Variants in ADGRB3 observed in about 807,000 individuals in gnomAD.
ADGRB3 encodes adhesion G protein-coupled receptor B3, also known as brain-specific angiogenesis inhibitor 3.
In ADGRB3, 37 loss-of-function variants were observed where a neutral mutation model predicts 193.4. The observed-to-expected ratio is 0.19, with a 90% CI of 0.15 to 0.25. The LOEUF is 0.25. Ranked by LOEUF, ADGRB3 falls within the 10% of genes least tolerant of loss-of-function variation. The pLI is 1.00. For missense variants in ADGRB3, 1,637 were observed against 1,852.9 expected (o/e 0.88, Z 2.14); for synonymous variants, 690 against 644.2 (o/e 1.07, Z -1.08).
At chr6:69,057,800 T>C (rs1009653061) in intron 15 of ADGRB3, among the ~76,000 whole-genome samples, 2 of 152,080 alleles carry the variant, frequency 1.3e-5, no homozygotes, top group African/African-American at 2.4e-5. Context: ...TCATGATATA[T>C]AAACTTTTTA....
intron 20 of ADGRB3, among the ~76,000 whole-genome samples, chr6:69,260,134 G>A (rs12209758): frequency 2.6e-5 from 4 of 152,212 alleles, no homozygotes; most frequent in East Asian, 1.9e-4. Context: ...TGATGGAATC[G>A]AAGATTTGAA....
At chr6:69,237,991 C>CAA (rs1370046361) in intron 19 of ADGRB3, among the ~76,000 whole-genome samples, 1 of 152,034 alleles carries the variant, frequency 6.6e-6, no homozygotes, top group Non-Finnish European at 1.5e-5. Flanking sequence ...TTTTATATTA[C>CAA]AAAAACTCCT....
At chr6:69,195,522 CAAA>C (rs542731165) in intron 17 of ADGRB3, among the ~76,000 whole-genome samples, 1 of 65,122 alleles carries the variant, frequency 1.5e-5, no homozygotes. Context: ...TATCCTGTCT[CAAA>C]AAAAAAAAAA....
At chr6:69,191,240 A>G (rs950670313) in intron 17 of ADGRB3, among the ~76,000 whole-genome samples, 1 of 152,028 alleles carries the variant, frequency 6.6e-6, no homozygotes, top group African/African-American at 2.4e-5. Context: ...TTTTTTTTCC[A>G]TAACAGCTTG....
At chr6:68,850,543 C>T (rs1768376503) in intron 3 of ADGRB3, among the ~76,000 whole-genome samples, 1 of 150,470 alleles carries the variant, frequency 6.6e-6, no homozygotes, top group South Asian at 2.1e-4. Context: ...TAGGCCATGT[C>T]TTATTGTTGA....
intron 13 of ADGRB3, among the ~76,000 whole-genome samples, chr6:69,024,456 C>T (rs1770366927): frequency 6.6e-6 from 1 of 152,134 alleles, no homozygotes; most frequent in Non-Finnish European, 1.5e-5. Flanking sequence ...AATTTTGATA[C>T]AGTAATCTTT....
chr6:68,895,530 G>C (rs1766195684), intron 3 of ADGRB3, among the ~76,000 whole-genome samples: 1 of 151,720 alleles, frequency 6.6e-6, no homozygotes, highest in Non-Finnish European at 1.5e-5. Flanking sequence ...GATTAAAGAG[G>C]AATAAACTCT....
chr6:68,991,514 G>A (rs1283290265), intron 10 of ADGRB3, among the ~76,000 whole-genome samples: 1 of 151,582 alleles, frequency 6.6e-6, no homozygotes. Context: ...GCGACAAAAA[G>A]CATGTGAATG....
At chr6:68,756,373 G>A (rs1030696364) in intron 3 of ADGRB3, among the ~76,000 whole-genome samples, 1 of 152,174 alleles carries the variant, frequency 6.6e-6, no homozygotes, top group East Asian at 1.9e-4. Flanking sequence ...AGTGCATACC[G>A]TTCTTCCTTT....
intron 17 of ADGRB3, among the ~76,000 whole-genome samples, chr6:69,100,334 T>C (rs1342461069): frequency 1.3e-5 from 2 of 152,126 alleles, no homozygotes; most frequent in African/African-American, 4.8e-5. Context: ...GGGTTATAAC[T>C]GGATACAAAA....
chr6:69,357,480 T>A (rs1769360461), intron 28 of ADGRB3, among the ~76,000 whole-genome samples: 1 of 152,016 alleles, frequency 6.6e-6, no homozygotes, highest in South Asian at 2.1e-4. Context: ...TAAGTCTTTA[T>A]TCAAACTGTA....
intron 3 of ADGRB3, among the ~76,000 whole-genome samples, chr6:68,744,778 C>T (rs1249381053): frequency 6.6e-6 from 1 of 152,034 alleles, no homozygotes; most frequent in Non-Finnish European, 1.5e-5. Context: ...AGGAGAAATG[C>T]CTAATGTAGG....
intron 3 of ADGRB3, among the ~76,000 whole-genome samples, chr6:68,916,805 A>G (rs923970745): frequency 3.3e-5 from 5 of 152,202 alleles, no homozygotes; most frequent in African/African-American, 1.2e-4. Flanking sequence ...TGGTTAGAGC[A>G]TGGTATGAAA....
chr6:68,771,851 T>C (rs1366661089), intron 3 of ADGRB3, among the ~76,000 whole-genome samples: 1 of 152,038 alleles, frequency 6.6e-6, no homozygotes, highest in Non-Finnish European at 1.5e-5. Context: ...AGAGAAAATA[T>C]ATAGAACTTG....
At chr6:68,671,014 G>T (rs1444973658) in intron 3 of ADGRB3, among the ~76,000 whole-genome samples, 1 of 151,814 alleles carries the variant, frequency 6.6e-6, no homozygotes, top group Non-Finnish European at 1.5e-5. Flanking sequence ...AATTTGATGT[G>T]TGGTTATTGT....
intron 17 of ADGRB3, chr6:69,232,644 C>A: frequency 2.6e-6 from 4 of 1,532,902 alleles, no homozygotes; most frequent in Non-Finnish European, 3.5e-6. Context: ...GAAACCCACC[C>A]CTCCCCTGGA....
At chr6:68,772,888 A>ATATAT in intron 3 of ADGRB3, among the ~76,000 whole-genome samples, 1 of 51,920 alleles carries the variant, frequency 1.9e-5, no homozygotes, top group Non-Finnish European at 3.3e-5. Flanking sequence ...CAAACAAAAA[A>ATATAT]AAAAAAATAT....
At chr6:69,074,545 T>TC in intron 16 of ADGRB3, among the ~76,000 whole-genome samples, 1 of 149,514 alleles carries the variant, frequency 6.7e-6, no homozygotes, top group East Asian at 2.0e-4. Flanking sequence ...TACTTTTTTT[T>TC]TTTTTTTTTT....
chr6:68,961,495 G>C (rs1477536794), intron 8 of ADGRB3, among the ~76,000 whole-genome samples: 1 of 152,076 alleles, frequency 6.6e-6, no homozygotes, highest in Non-Finnish European at 1.5e-5. Context: ...AGGAAGATGA[G>C]GTCTTAGCTC....
Sources: allele counts gnomAD v4.1 joint callset (sites outside exome capture counted in the v4.1 genomes callset), GRCh38; gene constraint gnomAD v4.1.1; transcripts MANE v1.5; gene names NCBI Gene and HGNC (gene_info 2026-07-23, HGNC 2026-07-21).